The following RAI14 variants were observed in gnomAD, a reference collection of about 807,000 sequenced individuals.
RAI14 encodes ankycorbin.
Under a neutral mutation model 115.4 loss-of-function variants are expected in RAI14, and 45 were observed. The ratio of observed to expected loss-of-function variants is 0.39; its 90% CI spans 0.31 to 0.50. The LOEUF is 0.50. Ranked by LOEUF, RAI14 falls within the 20% of genes least tolerant of loss-of-function variation. The pLI, the probability that RAI14 is intolerant of heterozygous loss-of-function variation, is 0.85. For missense variants in RAI14, 939 were observed against 1,131.2 expected, an observed-to-expected ratio of 0.83 and a Z score of 2.44; for synonymous variants, 371 against 415.4, an observed-to-expected ratio of 0.89 and a Z score of 1.30.
intron 3 of RAI14, among the ~76,000 whole-genome samples, chr5:34,770,820 T>C (rs1561339056): frequency 6.6e-6 from 1 of 152,330 alleles, no homozygotes; most frequent in East Asian, 1.9e-4. Context: ...AAAAATATGA[T>C]CTAATATTAA....
At chr5:34,802,350 T>G (rs181874811) in intron 4 of RAI14, among the ~76,000 whole-genome samples, 1 of 152,194 alleles carries the variant, frequency 6.6e-6, no homozygotes, top group Non-Finnish European at 1.5e-5. Flanking sequence ...TCGGGCCTGG[T>G]TAGTACTTGG....
intron 3 of RAI14, among the ~76,000 whole-genome samples, chr5:34,768,534 T>A (rs112100830): frequency 3.9e-5 from 6 of 152,298 alleles, no homozygotes; most frequent in Non-Finnish European, 5.9e-5. Context: ...CTGAAATTAG[T>A]ACAAATCGCC....
intron 6 of RAI14, among the ~76,000 whole-genome samples, chr5:34,808,208 T>G (rs1368111509): frequency 6.6e-6 from 1 of 152,246 alleles, no homozygotes; most frequent in African/African-American, 2.4e-5. Context: ...TCAGTCAATT[T>G]TATTTACTAA....
At position 34,704,875 on chromosome 5, in the gene RAI14, G is replaced by A. The variant is rs768406839; in HGVS notation, c.36+17920G>A. Among the ~76,000 whole-genome samples, 53 of 152,192 alleles carry A rather than the reference G, an allele frequency of 3.5e-4. 1 individual carries two copies. Among genetic ancestry groups the A allele is most frequent in the Admixed American group, 2.6e-3 (40 of 15,286 alleles). ...AGGATGGGACAAAGATGTTAGCTTT[G>A]TGCTATCCACTCTTCTAGTCACTAG... is the stretch of plus-strand genomic sequence containing the variant. On this transcript the variant is annotated intron_variant, in intron 2 of 17. Coordinates refer to ENST00000265109, the MANE Select transcript of RAI14 (RefSeq NM_015577.3).
chr5:34,705,866 C>T (rs10036505), intron 2 of RAI14, among the ~76,000 whole-genome samples: 31,215 of 152,076 alleles, frequency 0.21, 3,211 homozygotes, highest in Non-Finnish European at 0.22. Context: ...AGGCTGGTCT[C>T]GAACTCCTGA....
intron 3 of RAI14, among the ~76,000 whole-genome samples, chr5:34,786,029 C>G (rs964630265): frequency 6.6e-6 from 1 of 152,224 alleles, no homozygotes; most frequent in African/African-American, 2.4e-5. Context: ...GCAGAAGGCT[C>G]ACAGCTTTTG....
intron 2 of RAI14, among the ~76,000 whole-genome samples, chr5:34,719,250 C>T (rs1170884871): frequency 6.6e-6 from 1 of 152,198 alleles, no homozygotes; most frequent in Non-Finnish European, 1.5e-5. Context: ...AACGCTGGTG[C>T]CCCATTGGCC....
chr5:34,667,897 A>G (rs1055844083), intron 1 of RAI14, among the ~76,000 whole-genome samples: 3 of 152,222 alleles, frequency 2.0e-5, no homozygotes, highest in Admixed American at 6.5e-5. Context: ...TTAATCTGAC[A>G]AGAATGCTCA....
At chr5:34,672,875 C>T (rs886218078) in intron 1 of RAI14, among the ~76,000 whole-genome samples, 1 of 151,906 alleles carries the variant, frequency 6.6e-6, no homozygotes, top group African/African-American at 2.4e-5. Context: ...GTCTGTCCTT[C>T]TCACATTGTT....
rs936683700 is a variant in RAI14 at position 34,813,767 on chromosome 5, G to A, written c.852+107G>A. 9.8e-6 allele frequency: 7 copies of A among 711,090 alleles called. No individual in the cohort carries two copies. The African/African-American group carries it at 1.3e-4, about 13-fold the overall frequency. 44.0% of individuals were successfully genotyped at this position (711,090 alleles called of 1,614,324 possible). A position where few individuals can be genotyped will look rare whatever the true frequency, so the allele number is the denominator to read the frequency against. On this transcript the variant is annotated intron_variant, in intron 11 of 17. Coordinates refer to ENST00000265109, the MANE Select transcript of RAI14 (RefSeq NM_015577.3). The stretch of plus-strand genomic sequence containing the variant: ...AATGTTTTAGAACTGACCTTTAAGT[G>A]CATATTTAAAATTTTCCTTAGCAGT...
intron 3 of RAI14, among the ~76,000 whole-genome samples, chr5:34,787,838 T>G (rs1752474394): frequency 6.6e-6 from 1 of 150,904 alleles, no homozygotes; most frequent in African/African-American, 2.4e-5. Context: ...ATGTTTTTAG[T>G]ATATACATTG....
chr5:34,734,471 G>T (rs991609428), intron 2 of RAI14, among the ~76,000 whole-genome samples: 1 of 152,150 alleles, frequency 6.6e-6, no homozygotes, highest in Non-Finnish European at 1.5e-5. Flanking sequence ...TAATGCTGGT[G>T]CAATAGAAGA....
chr5:34,658,347 G>A (rs1287924638), intron 1 of RAI14, among the ~76,000 whole-genome samples: 2 of 152,146 alleles, frequency 1.3e-5, no homozygotes, highest in African/African-American at 2.4e-5. Flanking sequence ...GCAGGTACAC[G>A]TACTATCACC....
chr5:34,752,535 CAG>C (rs574195397), intron 2 of RAI14, among the ~76,000 whole-genome samples: 2 of 151,826 alleles, frequency 1.3e-5, no homozygotes, highest in Non-Finnish European at 2.9e-5. Context: ...AGTAGAGAAA[CAG>C]AGAGAGGCCA....
chr5:34,689,562 G>T (rs1180507604), intron 2 of RAI14, among the ~76,000 whole-genome samples: 1 of 152,048 alleles, frequency 6.6e-6, no homozygotes, highest in Non-Finnish European at 1.5e-5. Flanking sequence ...TAAGACTGGG[G>T]TGACAGTTAA....
At chr5:34,738,901 C>G (rs1427096019) in intron 2 of RAI14, among the ~76,000 whole-genome samples, 1 of 152,158 alleles carries the variant, frequency 6.6e-6, no homozygotes, top group East Asian at 1.9e-4. Context: ...GAATTTTCCC[C>G]TAAGTTCAAA....
chr5:34,813,683 A>C lies in RAI14; in HGVS notation c.852+23A>C, dbSNP rs563663992. 45 of 1,561,606 alleles carry C rather than the reference A, an allele frequency of 2.9e-5. 1 individual carries two copies. The South Asian group carries it at 4.2e-4, about 15-fold the overall frequency. ...CAGGTAAAAACAAAAGCAAACCAAC[A>C]ATCAATAAACGCACCACAAGAAAGC... On this transcript the variant is annotated intron_variant, in intron 11 of 17. Transcript: ENST00000265109.
chr5:34,781,114 A>G (rs1465010031), intron 3 of RAI14, among the ~76,000 whole-genome samples: 1 of 151,566 alleles, frequency 6.6e-6, no homozygotes, highest in East Asian at 1.9e-4. Context: ...GCAAACTATC[A>G]CAAGGACAAA....
rs866225675 is a variant in RAI14, at chr5:34,665,172, T to C, written c.-49+8697T>C. Among the ~76,000 whole-genome samples the C allele has an allele frequency of 5.8e-3, 88 of 15,186 alleles. 31 individuals carry two copies. The highest frequency in any genetic ancestry group is 0.015 in the African/African-American group (85 of 5,592). The allele number at this position is 15,186 out of a possible 152,430, so 10.0% of individuals were successfully genotyped here. The stretch of plus-strand genomic sequence containing the variant: ...ATATATGTGTGTGTATATATATATA[T>C]ACACACATATATATATGTATATATA... On this transcript the variant is annotated intron_variant, in intron 1 of 17. Transcript: ENST00000265109.
Sources: gnomAD v4.1 joint callset for allele counts (sites outside exome capture counted in the v4.1 genomes callset) on GRCh38, gnomAD v4.1.1 for gene constraint, MANE v1.5 for transcripts, NCBI Gene and HGNC (gene_info 2026-07-23, HGNC 2026-07-21) for gene names.